The following XKR6 variants were observed in gnomAD, a reference collection of about 807,000 sequenced individuals.
The protein encoded by XKR6 is XK-related protein 6.
In XKR6, 22 loss-of-function variants were observed where a neutral mutation model predicts 56.7. The ratio of observed to expected loss-of-function variants is 0.39; its 90% CI spans 0.28 to 0.55. XKR6 has a LOEUF of 0.55. XKR6 is among the 20% of genes least tolerant of loss of function. The probability of loss-of-function intolerance (pLI) is 0.66; values close to 1 mark genes in which losing one functional copy is unlikely to be tolerated. For missense variants in XKR6, 852 were observed against 889.0 expected (o/e 0.96, Z 0.53); for synonymous variants, 524 against 387.8 (o/e 1.35, Z -4.13).
intron 1 of XKR6, chr8:11,107,921 G>A (rs879114949): frequency 2.4e-5 from 6 of 250,554 alleles, no homozygotes; most frequent in Admixed American, 1.1e-4. Flanking sequence ...TGCCTGGGAC[G>A]CCTCCCGCAT....
chr8:11,160,924 A>AAAAAAAAAAAAAG, intron 1 of XKR6, among the ~76,000 whole-genome samples: 3 of 151,308 alleles, frequency 2.0e-5, no homozygotes, highest in Non-Finnish European at 4.4e-5. Flanking sequence ...AAAAAAAAAA[A>AAAAAAAAAAAAAG]AAAAAAAGAA....
At chr8:11,019,955 C>A (rs77064088) in intron 1 of XKR6, among the ~76,000 whole-genome samples, 1 of 152,074 alleles carries the variant, frequency 6.6e-6, no homozygotes, top group Admixed American at 6.6e-5. Context: ...GTGGAGGAAC[C>A]GCCACTGATA....
chr8:11,187,414 G>A (rs1169391553), intron 1 of XKR6, among the ~76,000 whole-genome samples: 2 of 152,092 alleles, frequency 1.3e-5, no homozygotes, highest in African/African-American at 4.8e-5. Context: ...TGACACCATC[G>A]CTGATTCAAA....
At chr8:11,098,315 C>T (rs1296140787) in intron 1 of XKR6, among the ~76,000 whole-genome samples, 1 of 152,090 alleles carries the variant, frequency 6.6e-6, no homozygotes, top group African/African-American at 2.4e-5. Context: ...AGTTTGAGGA[C>T]TGAGCTGGAG....
At chr8:10,925,989 A>C (rs1700656943) in intron 1 of XKR6, among the ~76,000 whole-genome samples, 1 of 152,088 alleles carries the variant, frequency 6.6e-6, no homozygotes, top group Non-Finnish European at 1.5e-5. Flanking sequence ...CAAAAACAGG[A>C]ACCGTAAACT....
At chr8:11,107,380 T>C (rs1159630558) in intron 1 of XKR6, among the ~76,000 whole-genome samples, 1 of 151,964 alleles carries the variant, frequency 6.6e-6, no homozygotes, top group Non-Finnish European at 1.5e-5. Context: ...TTTTTATTTT[T>C]TGTAGAGACA....
At chr8:10,962,985 T>C (rs1168050853) in intron 1 of XKR6, among the ~76,000 whole-genome samples, 3 of 152,204 alleles carry the variant, frequency 2.0e-5, no homozygotes, top group Non-Finnish European at 4.4e-5. Context: ...AATCTCTAAA[T>C]AGTGACTATC....
intron 1 of XKR6, among the ~76,000 whole-genome samples, chr8:11,160,149 C>T (rs1268154415): frequency 2.0e-5 from 3 of 152,004 alleles, no homozygotes; most frequent in Non-Finnish European, 4.4e-5. Context: ...AAATGGACCA[C>T]GTGTCTCAAT....
chr8:11,018,363 T>C (rs897635804), intron 1 of XKR6, among the ~76,000 whole-genome samples: 1 of 152,186 alleles, frequency 6.6e-6, no homozygotes, highest in African/African-American at 2.4e-5. Context: ...CCTGCAGAGA[T>C]ATTTGACAGG....
chr8:10,966,729 G>A (rs1039271723), intron 1 of XKR6, among the ~76,000 whole-genome samples: 1 of 152,134 alleles, frequency 6.6e-6, no homozygotes, highest in South Asian at 2.1e-4. Flanking sequence ...CTCAGACCCT[G>A]CCCTCAGACC....
chr8:10,958,140 G>A (rs1801953601), intron 1 of XKR6, among the ~76,000 whole-genome samples: 1 of 152,106 alleles, frequency 6.6e-6, no homozygotes, highest in Non-Finnish European at 1.5e-5. Context: ...TCTCATTGCT[G>A]TTTACCTAAT....
chr8:10,938,278 C>G (rs1361188847), intron 1 of XKR6, among the ~76,000 whole-genome samples: 1 of 152,152 alleles, frequency 6.6e-6, no homozygotes, highest in Non-Finnish European at 1.5e-5. Context: ...GTGCGCGCAC[C>G]CACTGGCCTG....
chr8:10,954,967 C>G (rs1480844081), intron 1 of XKR6, among the ~76,000 whole-genome samples: 3 of 146,238 alleles, frequency 2.1e-5, no homozygotes, highest in African/African-American at 7.6e-5. Context: ...CTCCTGGGTT[C>G]AAGTGATTCT....
chr8:11,040,174 C>G (rs1291034927), intron 1 of XKR6, among the ~76,000 whole-genome samples: 1 of 151,930 alleles, frequency 6.6e-6, no homozygotes, highest in African/African-American at 2.4e-5. Flanking sequence ...TCCACGATGC[C>G]CTACTTTCCA....
At chr8:11,001,541 C>A (rs1451436589) in intron 1 of XKR6, among the ~76,000 whole-genome samples, 2 of 152,210 alleles carry the variant, frequency 1.3e-5, no homozygotes, top group East Asian at 3.8e-4. Flanking sequence ...TCCTCTCTAC[C>A]CCTATAGCCA....
chr8:10,957,350 T>C (rs10097626), intron 1 of XKR6, among the ~76,000 whole-genome samples: 27,825 of 152,102 alleles, frequency 0.18, 3,388 homozygotes, highest in African/African-American at 0.35. Flanking sequence ...AGCAGGTGGA[T>C]GCAAGTACAG....
intron 1 of XKR6, among the ~76,000 whole-genome samples, chr8:11,018,509 G>T (rs1166492969): frequency 6.6e-6 from 1 of 152,200 alleles, no homozygotes; most frequent in Non-Finnish European, 1.5e-5. Flanking sequence ...GGTCCCCAGG[G>T]AGAGGAGGAC....
Position 11,106,080 on chromosome 8 carries a change from A to G in XKR6, c.764+94496T>C, listed in dbSNP as rs377744938. 8.5e-5 allele frequency: 13 copies of G among 152,282 alleles called. No homozygotes were observed. The East Asian group carries it at 2.5e-3, about 29-fold the overall frequency. The allele number at this position is 152,282 out of a possible 1,614,324, so 9.4% of individuals were successfully genotyped here. On this transcript the variant is annotated intron_variant, in intron 1 of 2. Coordinates refer to ENST00000416569, the MANE Select transcript of XKR6 (RefSeq NM_173683.4). Reference sequence around the variant, plus strand: ...TTCTAAAAAGCTACATACATAAAGGAAAAATTTTAGAATAATATCCTACTT... The same window carrying G: ...TTCTAAAAAGCTACATACATAAAGGGAAAATTTTAGAATAATATCCTACTT...
chr8:11,163,491 C>G (rs1047721894), intron 1 of XKR6, among the ~76,000 whole-genome samples: 3 of 152,240 alleles, frequency 2.0e-5, no homozygotes, highest in Non-Finnish European at 4.4e-5. Flanking sequence ...TTTCTTTCGT[C>G]ACATCTGTAA....
Sources: gnomAD v4.1 joint callset for allele counts (sites outside exome capture counted in the v4.1 genomes callset) on GRCh38, gnomAD v4.1.1 for gene constraint, MANE v1.5 for transcripts, NCBI Gene and HGNC (gene_info 2026-07-23, HGNC 2026-07-21) for gene names.